The following MLPH variants were observed in gnomAD, a reference collection of about 807,000 sequenced individuals.
MLPH encodes the protein melanophilin.
Under a neutral mutation model 72.1 loss-of-function variants are expected in MLPH, and 51 were observed. The observed-to-expected ratio is 0.71, with a 90% CI of 0.56 to 0.89. The LOEUF (loss-of-function observed/expected upper bound fraction) is 0.89. Ranked by LOEUF, MLPH falls within the 40% of genes least tolerant of loss-of-function variation. MLPH has a pLI of 0.00. For synonymous variants in MLPH, 301 were observed against 310.1 expected (o/e 0.97, Z 0.31); for missense variants, 743 against 759.9 (o/e 0.98, Z 0.26).
At chr2:237,535,919 C>A (rs1559366475) in intron 9 of MLPH, among the ~76,000 whole-genome samples, 2 of 152,182 alleles carry the variant, frequency 1.3e-5, no homozygotes, top group Non-Finnish European at 1.5e-5. Context: ...TCTCTGGCAC[C>A]ACTCGGTCTT....
intron 5 of MLPH, among the ~76,000 whole-genome samples, chr2:237,519,009 T>G (rs142829192): frequency 2.0e-4 from 30 of 152,286 alleles, no homozygotes; most frequent in African/African-American, 6.7e-4. Flanking sequence ...CAGCTGCCTT[T>G]GCAACTTTCA....
At chr2:237,495,913 G>A (rs2079526640) in intron 2 of MLPH, among the ~76,000 whole-genome samples, 1 of 152,090 alleles carries the variant, frequency 6.6e-6, no homozygotes. Context: ...CGGTCTCACG[G>A]GCCCCGTCCT....
At chr2:237,518,679 C>T (rs771945642) in intron 5 of MLPH, 31 bp downstream of exon 5, 7 of 1,546,664 alleles carry the variant, frequency 4.5e-6, no homozygotes, top group Non-Finnish European at 6.2e-6. Flanking sequence ...CCCTCCTCAG[C>T]CACCTCGATT....
At chr2:237,549,036 A>C (rs1462027264) in intron 13 of MLPH, among the ~76,000 whole-genome samples, 185 bp from the exon 14 acceptor site, 1 of 152,244 alleles carries the variant, frequency 6.6e-6, no homozygotes, top group Non-Finnish European at 1.5e-5. Context: ...TATTTCAGGC[A>C]TTTCATGCTT....
At chr2:237,545,821 C>A in intron 12 of MLPH, 1 of 334,288 alleles carries the variant, frequency 3.0e-6, no homozygotes, top group Non-Finnish European at 5.3e-6. Flanking sequence ...AACTAATAAT[C>A]TAGTATAAGT....
chr2:237,492,448 T>C (rs934391783), intron 1 of MLPH, among the ~76,000 whole-genome samples: 56 of 148,566 alleles, frequency 3.8e-4, no homozygotes, highest in African/African-American at 1.4e-3. Flanking sequence ...GGCTGCATAG[T>C]GAGAACTCGT....
chr2:237,525,364 A>G (rs1420831509), intron 6 of MLPH, among the ~76,000 whole-genome samples: 1 of 152,210 alleles, frequency 6.6e-6, no homozygotes. Context: ...GGGCCCCAAC[A>G]TTGCACAGAC....
At chr2:237,519,364 A>C (rs2080126183) in intron 5 of MLPH, among the ~76,000 whole-genome samples, 1 of 152,186 alleles carries the variant, frequency 6.6e-6, no homozygotes, top group Non-Finnish European at 1.5e-5. Context: ...CATGCTATTT[A>C]TGAAGTTCCC....
intron 5 of MLPH, 87 bp from the exon 6 acceptor site, chr2:237,519,823 G>T: frequency 6.3e-7 from 1 of 1,597,930 alleles, no homozygotes; most frequent in African/African-American, 1.3e-5. Flanking sequence ...TGGGGGCTGA[G>T]TGTGGGGTTG....
chr2:237,549,136 G>T (rs982615948), intron 13 of MLPH, 85 bp from the exon 14 acceptor site: 1 of 1,284,092 alleles, frequency 7.8e-7, no homozygotes, highest in Non-Finnish European at 1.1e-6. Context: ...TTAGAAGCTG[G>T]AAGAACAATA....
intron 2 of MLPH, among the ~76,000 whole-genome samples, chr2:237,495,351 C>T (rs1313904491): frequency 6.6e-6 from 1 of 152,210 alleles, no homozygotes; most frequent in African/African-American, 2.4e-5. Flanking sequence ...GGGACTAGAA[C>T]ATGAATGCCT....
intron 12 of MLPH, 93 bp downstream of exon 12, chr2:237,542,752 GA>G (rs746333326): frequency 0.016 from 9,655 of 600,634 alleles, 521 homozygotes; most frequent in South Asian, 0.027. Flanking sequence ...GTGGTGAGTG[GA>G]GGGACAGTGG....
chr2:237,494,489 C>A (rs771023791), intron 2 of MLPH, among the ~76,000 whole-genome samples: 1 of 152,242 alleles, frequency 6.6e-6, no homozygotes, highest in South Asian at 2.1e-4. Context: ...CACAGACCTT[C>A]GAGCAGAGCA....
chr2:237,553,975 A>G lies in MLPH; in HGVS notation c.*383A>G, dbSNP rs1217600323. ...CTTTCATGAATGGAATGGAAAAAAG[A>G]TGACTCAGTTAAGGCACCAGCCATA... On this transcript the variant is annotated 3_prime_UTR_variant, in exon 16 of 16. Transcript: ENST00000264605. 7.8e-6 allele frequency: 3 copies of G among 384,574 alleles called. No individual in the cohort carries two copies. The highest frequency in any genetic ancestry group is 6.2e-5 in the African/African-American group (3 of 48,072). The allele number at this position is 384,574 out of a possible 1,614,324, so 23.8% of individuals were successfully genotyped here.
chr2:237,541,787 AAAC>A lies in MLPH; in HGVS notation c.1447-777_1447-775del, dbSNP rs1340270811. On this transcript the variant is annotated intron_variant, in intron 11 of 15. Coordinates refer to ENST00000264605, the MANE Select transcript of MLPH (RefSeq NM_024101.7). The surrounding 1 kb of genome is among the most constrained non-coding windows in gnomAD (Gnocchi z 5.1). The stretch of plus-strand genomic sequence containing the variant: ...TAGTGGAAGGAGATAAACAGCAAAC[AAAC>A]AAGATCATTTGGGTTCATGAAAAGT... Among the ~76,000 whole-genome samples, 1 of 152,248 alleles carries A rather than the reference AAAC, an allele frequency of 6.6e-6. No individual in the cohort carries two copies. The highest frequency in any genetic ancestry group is 1.5e-5 in the Non-Finnish European group (1 of 68,040).
At chr2:237,532,005 C>A (rs780963927) in intron 8 of MLPH, among the ~76,000 whole-genome samples, 3 of 152,236 alleles carry the variant, frequency 2.0e-5, no homozygotes, top group Non-Finnish European at 4.4e-5. Context: ...AATGTGACAA[C>A]CTCAACTAAT....
intron 14 of MLPH, among the ~76,000 whole-genome samples, chr2:237,549,913 T>TG (rs1400012913): frequency 2.6e-5 from 4 of 152,216 alleles, no homozygotes; most frequent in African/African-American, 9.7e-5. Context: ...CTGCAGTCCT[T>TG]GCAGACAGTG....
At chr2:237,517,740 G>A (rs1376789221) in intron 4 of MLPH, among the ~76,000 whole-genome samples, 2 of 119,972 alleles carry the variant, frequency 1.7e-5, no homozygotes, top group East Asian at 4.6e-4. Flanking sequence ...TGGATGGATG[G>A]ATGGATGGAT....
chr2:237,554,836 G>A lies in MLPH; in HGVS notation c.*1244G>A, dbSNP rs1045867576. On this transcript the variant is annotated 3_prime_UTR_variant, in exon 16 of 16. Transcript: ENST00000264605. ...GGTTTGAATCTCAAAGTGTTGCTGG[G>A]AGGCTGATACTCCTGCAACTTCAGG... is the stretch of plus-strand genomic sequence containing the variant. 2.0e-5 allele frequency: 3 copies of A among 152,168 alleles called. No homozygotes were observed. The highest frequency in any genetic ancestry group is 7.2e-5 in the African/African-American group (3 of 41,448). The allele number at this position is 152,168 out of a possible 1,614,324, so 9.4% of individuals were successfully genotyped here.
Sources: gnomAD v4.1 joint callset for allele counts (sites outside exome capture counted in the v4.1 genomes callset) on GRCh38, gnomAD v4.1.1 for gene constraint, Gnocchi (gnomAD v3.1) non-coding constraint, MANE v1.5 for transcripts, NCBI Gene and HGNC (gene_info 2026-07-23, HGNC 2026-07-21) for gene names.